DHRS2: variants seen among roughly 807,000 people sequenced by gnomAD.
DHRS2 encodes dehydrogenase/reductase SDR family member 2, mitochondrial.
A neutral mutation model predicts 26.3 loss-of-function variants in DHRS2; 29 were observed. That is an observed-to-expected ratio of 1.10 (90% CI 0.82 to 1.50). DHRS2 has a LOEUF of 1.50. Among genes scored for constraint, DHRS2 ranks in the 40% most tolerant of loss-of-function variants. DHRS2 has a pLI of 0.00. For synonymous variants in DHRS2, 164 were observed against 151.3 expected (o/e 1.08, Z -0.62); for missense variants, 439 against 367.1 (o/e 1.20, Z -1.60).
upstream of DHRS2, among the ~76,000 whole-genome samples, chr14:23,635,107 G>A (rs544403736): frequency 1.3e-5 from 2 of 151,944 alleles, no homozygotes; most frequent in African/African-American, 4.8e-5. Flanking sequence ...CTCTCTCCCA[G>A]GCTGGAGTAC....
chr14:23,643,000 C>A, intron 4 of DHRS2, 152 bp from the exon 5 acceptor site: 2 of 736,668 alleles, frequency 2.7e-6, no homozygotes, highest in Middle Eastern at 2.5e-4. Flanking sequence ...TTGGAAATAC[C>A]TCTTGCACCA....
chr14:23,641,732 C>T (rs1890681103), intron 4 of DHRS2: 5 of 1,289,816 alleles, frequency 3.9e-6, no homozygotes, highest in Non-Finnish European at 5.1e-6. Context: ...GGTCATCCCC[C>T]ACACTGGTAA....
chr14:23,630,660 T>C (rs530528695), intron 1 of DHRS2, among the ~76,000 whole-genome samples: 50 of 152,358 alleles, frequency 3.3e-4, no homozygotes, highest in Non-Finnish European at 6.6e-4. Flanking sequence ...CAGGAGGTCC[T>C]GGGAATATAT....
rs1890501733 is a variant in DHRS2, at chr14:23,639,093, C to T, written c.141-86C>T. 5.7e-6 allele frequency: 9 copies of T among 1,592,510 alleles called. No homozygotes were observed. In the Admixed American group the frequency reaches 1.0e-4, roughly 18 times the overall value. ...TCAGGGTTTTAAAGCAAGACCCAGC[C>T]TTATTTGCTGATTTCCAGAGCTGGG... On this transcript the variant is annotated intron_variant, in intron 2 of 8. Coordinates refer to ENST00000250383, the MANE Select transcript of DHRS2 (RefSeq NM_005794.4).
intron 4 of DHRS2, chr14:23,640,407 G>A (rs937487253): frequency 1.3e-5 from 13 of 985,282 alleles, no homozygotes; most frequent in African/African-American, 1.7e-5. Flanking sequence ...TCAGCATTCC[G>A]GGGGCTTAGA....
At chr14:23,633,651 G>A (rs528324322), upstream of DHRS2, among the ~76,000 whole-genome samples, 3 of 152,210 alleles carry the variant, frequency 2.0e-5, no homozygotes, top group Admixed American at 2.0e-4. Flanking sequence ...CTGTGTTCAA[G>A]GAACTCACAT....
intron 5 of DHRS2, 39 bp downstream of exon 5, chr14:23,643,258 G>T (rs1176169100): frequency 1.9e-6 from 3 of 1,596,752 alleles, no homozygotes; most frequent in African/African-American, 2.7e-5. Context: ...CGGAGTTGGG[G>T]ACCTGAGGTG....
chr14:23,634,032 C>T (rs1053445853), upstream of DHRS2, among the ~76,000 whole-genome samples: 12 of 149,332 alleles, frequency 8.0e-5, no homozygotes, highest in East Asian at 5.9e-4. Flanking sequence ...ATTGCCAGCA[C>T]GCTAGAAGCT....
At chr14:23,631,531 CT>C (rs1273593353), upstream of DHRS2, among the ~76,000 whole-genome samples, 1 of 151,768 alleles carries the variant, frequency 6.6e-6, no homozygotes, top group Non-Finnish European at 1.5e-5. Context: ...CTCCTCTAAT[CT>C]TTGTTTTCTT....
At position 23,639,875 on chromosome 14, in the gene DHRS2, A is replaced by C; in HGVS notation, c.400A>C (p.Ser134Arg). 2 of 1,607,378 alleles carry C rather than the reference A, an allele frequency of 1.2e-6. No homozygotes were observed. Among genetic ancestry groups the C allele is most frequent in the Non-Finnish European group, 1.7e-6 (2 of 1,176,668 alleles). Residue 134 changes from serine (S) to arginine (R), a missense_variant, in exon 4 of 9, where the codon AGT becomes CGT. By Grantham distance (110) the Ser-to-Arg change is moderately radical (BLOSUM62 -1). Transcript: ENST00000250383. ...NPLVGSTLGT[S>R]EQIWDKILSV... ...TCTGGTAGGGAGCACTCTGGGGACCAGTGAGCAGATCTGGGACAAGGTGAG... is the reference window on the plus strand; with the variant it reads ...TCTGGTAGGGAGCACTCTGGGGACCCGTGAGCAGATCTGGGACAAGGTGAG...
At chr14:23,643,581 GA>G in intron 5 of DHRS2, 1 of 289,072 alleles carries the variant, frequency 3.5e-6, no homozygotes. Context: ...CTCTCCATAG[GA>G]AAAAGCCTGT....
At chr14:23,641,859 G>T in intron 4 of DHRS2, 2 of 1,228,264 alleles carry the variant, frequency 1.6e-6, no homozygotes, top group Non-Finnish European at 2.1e-6. Context: ...GTCCTGGTGA[G>T]TTGCAGATGT....
upstream of DHRS2, among the ~76,000 whole-genome samples, chr14:23,634,119 G>C (rs1890200430): frequency 7.3e-6 from 1 of 136,878 alleles, no homozygotes; most frequent in African/African-American, 2.7e-5. Flanking sequence ...CCAGGATGGA[G>C]TGCAGTGGTG....
chr14:23,638,808 AATTG>A lies in DHRS2; in HGVS notation c.-38-15_-38-12del, dbSNP rs1474859509. On this transcript the variant is annotated splice_polypyrimidine_tract_variant and intron_variant, in intron 1 of 8. Transcript: ENST00000250383. Reference sequence around the variant, plus strand: ...TCACTGAGGCATCAGTGATAAGTGAAATTGATTCTTTCCCCCAGGCCTGATTCAG... The same window carrying A: ...TCACTGAGGCATCAGTGATAAGTGAAATTCTTTCCCCCAGGCCTGATTCAG... The A allele has an allele frequency of 1.9e-6, 3 of 1,584,258 alleles. No homozygotes were observed. Among genetic ancestry groups the A allele is most frequent in the Non-Finnish European group, 2.6e-6 (3 of 1,162,274 alleles).
At chr14:23,641,252 A>G (rs1890650927) in intron 4 of DHRS2, 1 of 172,832 alleles carries the variant, frequency 5.8e-6, no homozygotes, top group South Asian at 1.4e-4. Flanking sequence ...CTTACCACTC[A>G]TCTTATTCTT....
In DHRS2 at chr14:23,639,023, ATGG is replaced by A; in HGVS notation, c.140+20_140+22del. On this transcript the variant is annotated intron_variant, in intron 2 of 8. Transcript: ENST00000250383. ...CCAGTGGGTGAGTGCTGGATTGCCCATGGGTCCTGGCCCCTCACAGGGTCCTTG... is the reference window on the plus strand; with the variant it reads ...CCAGTGGGTGAGTGCTGGATTGCCCAGTCCTGGCCCCTCACAGGGTCCTTG... 1 of 1,611,564 alleles carries A rather than the reference ATGG, an allele frequency of 6.2e-7. No individual in the cohort carries two copies. Among genetic ancestry groups the A allele is most frequent in the Non-Finnish European group, 8.5e-7 (1 of 1,179,402 alleles).
Position 23,638,822 on chromosome 14 carries a change from C to T in DHRS2, c.-38-5C>T. ...GTGATAAGTGAAATTGATTCTTTCCCCCAGGCCTGATTCAGCAGGAAGCAT... is the reference window on the plus strand; with the variant it reads ...GTGATAAGTGAAATTGATTCTTTCCTCCAGGCCTGATTCAGCAGGAAGCAT... On this transcript the variant is annotated splice_region_variant and splice_polypyrimidine_tract_variant and intron_variant, in intron 1 of 8. Coordinates refer to ENST00000250383, the MANE Select transcript of DHRS2 (RefSeq NM_005794.4). 4 of 1,600,786 alleles carry T rather than the reference C, an allele frequency of 2.5e-6. No individual in the cohort carries two copies. The highest frequency in any genetic ancestry group is 3.4e-6 in the Non-Finnish European group (4 of 1,171,870).
intron 8 of DHRS2, 57 bp downstream of exon 8, chr14:23,644,939 T>C (rs1324621158): frequency 6.3e-7 from 1 of 1,595,694 alleles, no homozygotes. Flanking sequence ...GGCAGTTGAG[T>C]CTATTGCAAG....
At position 23,639,365 on chromosome 14, in the gene DHRS2, G is replaced by A. The variant is rs1454315070; in HGVS notation, c.318+9G>A. On this transcript the variant is annotated intron_variant, in intron 3 of 8. Coordinates refer to ENST00000250383, the MANE Select transcript of DHRS2 (RefSeq NM_005794.4). Reference sequence around the variant, plus strand: ...AGCAGCTGGTGGCCAAGGTGAGGGGGCAGGCGGTGGAAGGACACAGAGAGG... The same window carrying A: ...AGCAGCTGGTGGCCAAGGTGAGGGGACAGGCGGTGGAAGGACACAGAGAGG... 2 of 1,557,900 alleles carry A rather than the reference G, an allele frequency of 1.3e-6. No individual in the cohort carries two copies. Among genetic ancestry groups the A allele is most frequent in the Non-Finnish European group, 8.7e-7 (1 of 1,154,362 alleles).
Sources: gnomAD v4.1 joint callset for allele counts (sites outside exome capture counted in the v4.1 genomes callset) on GRCh38, gnomAD v4.1.1 for gene constraint, MANE v1.5 for transcripts, NCBI Gene and HGNC (gene_info 2026-07-23, HGNC 2026-07-21) for gene names.